The following MMP26 variants were observed in gnomAD, a reference collection of about 807,000 sequenced individuals.
The protein encoded by MMP26 is matrix metallopeptidase 26.
In MMP26, 33 loss-of-function variants were observed where a neutral mutation model predicts 31.0. The ratio of observed to expected loss-of-function variants is 1.06; its 90% CI spans 0.81 to 1.42. The LOEUF (loss-of-function observed/expected upper bound fraction) is 1.42. Among genes scored for constraint, MMP26 ranks in the 40% most tolerant of loss-of-function variants. The pLI is 0.00. For synonymous variants in MMP26, 122 were observed against 114.9 expected (o/e 1.06, Z -0.40); for missense variants, 347 against 316.1 (o/e 1.10, Z -0.74).
intron 2 of MMP26, among the ~76,000 whole-genome samples, chr11:4,780,866 TATAA>T (rs1438097115): frequency 3.3e-5 from 5 of 151,534 alleles, no homozygotes; most frequent in African/African-American, 7.2e-5. Context: ...TTAATGTATC[TATAA>T]ATAAATCTTT....
chr11:4,946,152 A>G, intron 2 of MMP26: 2 of 1,611,582 alleles, frequency 1.2e-6, no homozygotes, highest in Non-Finnish European at 1.7e-6. Context: ...TCTGTCACAT[A>G]TGACTGTTAA....
At chr11:4,737,655 AACAAAC>A (rs138331105) in intron 1 of MMP26, among the ~76,000 whole-genome samples, 23,809 of 151,930 alleles carry the variant, frequency 0.16, 2,323 homozygotes, top group African/African-American at 0.28. Context: ...AACAAAACAA[AACAAAC>A]ACAAACACAA....
At chr11:4,795,830 AAGAGAGAGAGAGGGAG>A (rs1241141327) in intron 2 of MMP26, among the ~76,000 whole-genome samples, 10 of 143,668 alleles carry the variant, frequency 7.0e-5, no homozygotes, top group Admixed American at 4.2e-4. Flanking sequence ...GGGAGAGAGA[AAGAGAGAGAGAGGGAG>A]AGAGAGAGAG....
intron 2 of MMP26, among the ~76,000 whole-genome samples, chr11:4,893,151 T>C (rs1022680799): frequency 1.3e-5 from 2 of 152,116 alleles, no homozygotes; most frequent in African/African-American, 4.8e-5. Flanking sequence ...CGTAGTATAA[T>C]ATACATACTA....
chr11:4,789,530 CTTTTTTT>C (rs71050429), intron 2 of MMP26, among the ~76,000 whole-genome samples: 330 of 65,936 alleles, frequency 5.0e-3, no homozygotes, highest in African/African-American at 0.016. Flanking sequence ...TATCCCCCCA[CTTTTTTT>C]TTTTTTTTTT....
At chr11:4,958,262 T>C (rs1281761752) in intron 2 of MMP26, among the ~76,000 whole-genome samples, 1 of 152,188 alleles carries the variant, frequency 6.6e-6, no homozygotes, top group Non-Finnish European at 1.5e-5. Flanking sequence ...AAAGTGACAA[T>C]TTTTCGAAAT....
chr11:4,824,405 A>G (rs1849554466), intron 2 of MMP26, among the ~76,000 whole-genome samples: 1 of 152,104 alleles, frequency 6.6e-6, no homozygotes, highest in Non-Finnish European at 1.5e-5. Flanking sequence ...ATACACACTT[A>G]TACGATTTTT....
At chr11:4,807,963 C>T (rs187761897) in intron 2 of MMP26, among the ~76,000 whole-genome samples, 1 of 152,080 alleles carries the variant, frequency 6.6e-6, no homozygotes, top group African/African-American at 2.4e-5. Context: ...CACCACAACG[C>T]CCAGCAAATT....
intron 2 of MMP26, among the ~76,000 whole-genome samples, chr11:4,888,472 A>G (rs1850573453): frequency 6.6e-6 from 1 of 152,184 alleles, no homozygotes; most frequent in East Asian, 1.9e-4. Context: ...TGCCTAAACA[A>G]CCATTAAGAA....
At chr11:4,839,497 T>G (rs1239990687) in intron 2 of MMP26, among the ~76,000 whole-genome samples, 2 of 151,494 alleles carry the variant, frequency 1.3e-5, no homozygotes, top group African/African-American at 4.8e-5. Context: ...GCAGGCCAGC[T>G]CAGCTGCAGC....
At chr11:4,875,872 A>G (rs1850372164) in intron 2 of MMP26, 1 of 152,070 alleles carries the variant, frequency 6.6e-6, no homozygotes, top group South Asian at 2.1e-4. Flanking sequence ...AGCCAAGGTG[A>G]CTTCTTCCTC....
intron 2 of MMP26, chr11:4,848,860 C>T (rs1849926245): frequency 1.2e-6 from 2 of 1,614,180 alleles, no homozygotes; most frequent in East Asian, 4.5e-5. Flanking sequence ...GACTCCATGA[C>T]AGAAAAGACA....
intron 2 of MMP26, among the ~76,000 whole-genome samples, chr11:4,898,141 G>T (rs1850740806): frequency 6.6e-6 from 1 of 151,454 alleles, no homozygotes; most frequent in South Asian, 2.1e-4. Context: ...TTGTCTCTCT[G>T]CAAACATATA....
chr11:4,942,406 A>T (rs1277157596), intron 2 of MMP26, among the ~76,000 whole-genome samples: 1 of 152,080 alleles, frequency 6.6e-6, no homozygotes, highest in African/African-American at 2.4e-5. Context: ...AATCAAAATT[A>T]CAGGAGAGTG....
At chr11:4,705,984 T>TG (rs1236076044) in intron 1 of MMP26, among the ~76,000 whole-genome samples, 1 of 69,660 alleles carries the variant, frequency 1.4e-5, no homozygotes, top group Non-Finnish European at 2.5e-5. Context: ...GTGGTGGTGG[T>TG]GGTGGTGGGG....
intron 2 of MMP26, chr11:4,860,367 A>T (rs1431126603): frequency 2.1e-6 from 1 of 471,154 alleles, no homozygotes; most frequent in Admixed American, 2.3e-5. Context: ...GAGCCAAGAT[A>T]GAAAGGAAGT....
intron 2 of MMP26, among the ~76,000 whole-genome samples, chr11:4,939,777 T>C (rs936600501): frequency 2.0e-5 from 3 of 152,208 alleles, no homozygotes; most frequent in African/African-American, 7.2e-5. Context: ...TCCTTGGATA[T>C]CTATAGCCTA....
chr11:4,810,389 A>G (rs904530586), intron 2 of MMP26, among the ~76,000 whole-genome samples: 1 of 152,160 alleles, frequency 6.6e-6, no homozygotes, highest in Non-Finnish European at 1.5e-5. Flanking sequence ...TAAGAGGAGT[A>G]TTTGTGTGAA....
intron 2 of MMP26, chr11:4,946,955 A>G (rs765320524): frequency 6.2e-7 from 1 of 1,605,584 alleles, no homozygotes; most frequent in South Asian, 1.1e-5. Flanking sequence ...CTTGATGATA[A>G]AAAGAATGGT....
Sources: allele counts gnomAD v4.1 joint callset (sites outside exome capture counted in the v4.1 genomes callset), GRCh38; gene constraint gnomAD v4.1.1; transcripts MANE v1.5; gene names NCBI Gene and HGNC (gene_info 2026-07-23, HGNC 2026-07-21).